The following PCDH9 variants were observed in gnomAD, a reference collection of about 807,000 sequenced individuals.
PCDH9 encodes the protein protocadherin-9.
In PCDH9, 24 loss-of-function variants were observed where a neutral mutation model predicts 70.6. The observed-to-expected ratio is 0.34, with a 90% confidence interval of 0.25 to 0.48. PCDH9 has a LOEUF of 0.48. Among genes scored for constraint, PCDH9 ranks in the 20% least tolerant of loss-of-function variants. PCDH9 has a pLI of 0.99. For synonymous variants in PCDH9, 562 were observed against 558.5 expected, an observed-to-expected ratio of 1.01 and a Z score of -0.09; for missense variants, 1,281 against 1,503.6, an observed-to-expected ratio of 0.85 and a Z score of 2.45.
At chr13:67,084,688 C>A (rs1303971107) in intron 2 of PCDH9, among the ~76,000 whole-genome samples, 1 of 151,642 alleles carries the variant, frequency 6.6e-6, no homozygotes. Context: ...CATATGTTGC[C>A]GGCCCAGCAT....
intron 4 of PCDH9, among the ~76,000 whole-genome samples, chr13:66,384,984 A>T (rs371554390): frequency 5.9e-5 from 9 of 152,024 alleles, no homozygotes; most frequent in Admixed American, 2.0e-4. Flanking sequence ...CTGCCACTTT[A>T]TACCTTTTGT....
intron 3 of PCDH9, among the ~76,000 whole-genome samples, chr13:66,856,428 T>C (rs2081395877): frequency 6.6e-6 from 1 of 152,038 alleles, no homozygotes; most frequent in Admixed American, 6.6e-5. Context: ...CACTTGAAAA[T>C]AGGTTATCAA....
chr13:66,459,101 C>T lies in PCDH9; in HGVS notation c.3341-154073G>A, dbSNP rs545790421. 2.6e-5 allele frequency among the ~76,000 whole-genome samples: 4 copies of T among 152,052 alleles called. No individual in the cohort carries two copies. In the South Asian group the frequency reaches 8.3e-4, roughly 32 times the overall value. On this transcript the variant is annotated intron_variant, in intron 4 of 4. Coordinates refer to ENST00000377865, the MANE Select transcript of PCDH9 (RefSeq NM_203487.3). ...AAATAAGAACGTGTTCCACTGCTTCCTGTTTACAGTCGAAACTACAGGGAA... is the reference window on the plus strand; with the variant it reads ...AAATAAGAACGTGTTCCACTGCTTCTTGTTTACAGTCGAAACTACAGGGAA...
rs2085904713 is a variant in PCDH9 at position 67,077,721 on chromosome 13, TA to T, written c.3036+147683del. ...CAATTTCCTTATTATCTCACCCCAATATTTGATTCTATTGTCAATCTGTTTC... is the reference window on the plus strand; with the variant it reads ...CAATTTCCTTATTATCTCACCCCAATTTTGATTCTATTGTCAATCTGTTTC... On this transcript the variant is annotated intron_variant, in intron 2 of 4. Transcript: ENST00000377865. Among the ~76,000 whole-genome samples, 4 of 152,252 alleles carry T rather than the reference TA, an allele frequency of 2.6e-5. No individual in the cohort carries two copies. The South Asian group carries it at 8.3e-4, about 32-fold the overall frequency.
intron 2 of PCDH9, among the ~76,000 whole-genome samples, chr13:67,200,282 C>A (rs1455483065): frequency 6.6e-6 from 1 of 151,940 alleles, no homozygotes; most frequent in Non-Finnish European, 1.5e-5. Context: ...TGTAGGGAAT[C>A]AAAATATAAA....
chr13:67,108,215 C>T (rs1209931468), intron 2 of PCDH9, among the ~76,000 whole-genome samples: 5 of 152,152 alleles, frequency 3.3e-5, no homozygotes, highest in African/African-American at 1.2e-4. Flanking sequence ...GCCCAGCAGG[C>T]ATGAGCAATA....
chr13:66,825,463 T>A (rs561962602), intron 3 of PCDH9, among the ~76,000 whole-genome samples: 5 of 146,682 alleles, frequency 3.4e-5, no homozygotes, highest in South Asian at 2.2e-4. Flanking sequence ...CAGCCTCCCG[T>A]GTAGCTGGGA....
rs974122649 is a variant in PCDH9, at chr13:67,228,592, A to G, written c.-135-17T>C. The G allele has an allele frequency of 1.9e-6, 1 of 538,280 alleles. No individual in the cohort carries two copies. Among genetic ancestry groups the G allele is most frequent in the African/African-American group, 1.9e-5 (1 of 51,448 alleles). 33.3% of individuals were successfully genotyped at this position (538,280 alleles called of 1,614,324 possible). On this transcript the variant is annotated splice_polypyrimidine_tract_variant and intron_variant, in intron 1 of 4. Transcript: ENST00000377865. ...AGACAGCCGCTGTCAACACAATTGT[A>G]TAGACAATATTATTCTTCAGTAAAT... is the stretch of plus-strand genomic sequence containing the variant.
At chr13:67,020,049 C>T (rs1263100630) in intron 2 of PCDH9, among the ~76,000 whole-genome samples, 1 of 152,024 alleles carries the variant, frequency 6.6e-6, no homozygotes, top group Non-Finnish European at 1.5e-5. Flanking sequence ...GCAAGTAAAC[C>T]TTTGAATTTC....
At chr13:66,762,710 T>C (rs531155777) in intron 3 of PCDH9, among the ~76,000 whole-genome samples, 2 of 152,158 alleles carry the variant, frequency 1.3e-5, no homozygotes, top group South Asian at 4.1e-4. Context: ...GTTCCTATTC[T>C]ACCATCTAAC....
At chr13:67,066,754 C>T (rs1255109268) in intron 2 of PCDH9, among the ~76,000 whole-genome samples, 1 of 152,068 alleles carries the variant, frequency 6.6e-6, no homozygotes, top group Non-Finnish European at 1.5e-5. Flanking sequence ...ATATAGTTAA[C>T]ATGAAATTTA....
At chr13:66,886,668 G>C (rs911798140) in intron 3 of PCDH9, among the ~76,000 whole-genome samples, 2 of 152,092 alleles carry the variant, frequency 1.3e-5, no homozygotes, top group Admixed American at 6.6e-5. Flanking sequence ...ATTCATCTAT[G>C]AAAGAAATCA....
intron 4 of PCDH9, among the ~76,000 whole-genome samples, chr13:66,564,454 C>A (rs1024288276): frequency 2.6e-5 from 4 of 152,026 alleles, no homozygotes. Flanking sequence ...GCATGACCCA[C>A]CACACTAGTC....
At chr13:66,363,763 A>G (rs1317490304) in intron 4 of PCDH9, among the ~76,000 whole-genome samples, 2 of 152,202 alleles carry the variant, frequency 1.3e-5, no homozygotes. Flanking sequence ...CAATTCATGC[A>G]TAATGCATTC....
intron 2 of PCDH9, among the ~76,000 whole-genome samples, chr13:67,027,443 T>C (rs2139875257): frequency 6.6e-6 from 1 of 152,308 alleles, no homozygotes; most frequent in East Asian, 1.9e-4. Context: ...ACTTGAACGT[T>C]AGACCTAAAA....
At chr13:66,503,330 T>G (rs1959186816) in intron 4 of PCDH9, among the ~76,000 whole-genome samples, 1 of 152,142 alleles carries the variant, frequency 6.6e-6, no homozygotes, top group Admixed American at 6.5e-5. Context: ...GAGGGCCTGT[T>G]TAAAATACGT....
intron 4 of PCDH9, among the ~76,000 whole-genome samples, chr13:66,397,545 C>T (rs1048871661): frequency 3.4e-5 from 5 of 146,550 alleles, no homozygotes; most frequent in Admixed American, 1.4e-4. Flanking sequence ...ACATATATGT[C>T]GATATATATG....
At chr13:67,105,886 AT>A (rs545278816) in intron 2 of PCDH9, among the ~76,000 whole-genome samples, 42 of 151,388 alleles carry the variant, frequency 2.8e-4, no homozygotes, top group African/African-American at 9.9e-4. Context: ...GTTTTTATAC[AT>A]TAAAGGATAG....
chr13:67,209,416 T>C (rs1463769990), intron 2 of PCDH9: 1 of 152,144 alleles, frequency 6.6e-6, no homozygotes, highest in East Asian at 1.9e-4. Context: ...AAATGTGGCA[T>C]TTCTGGAACT....
Sources: gnomAD v4.1 joint callset for allele counts (sites outside exome capture counted in the v4.1 genomes callset) on GRCh38, gnomAD v4.1.1 for gene constraint, MANE v1.5 for transcripts, NCBI Gene and HGNC (gene_info 2026-07-23, HGNC 2026-07-21) for gene names.